Variants in TEFM observed in about 807,000 individuals in gnomAD.
TEFM encodes the protein transcription elongation factor of mitochondria.
A neutral mutation model predicts 23.0 loss-of-function variants in TEFM; 14 were observed. The ratio of observed to expected loss-of-function variants is 0.61; its 90% CI spans 0.40 to 0.95. TEFM has a LOEUF of 0.95. TEFM is among the 40% of genes least tolerant of loss of function. The pLI is 0.00. For missense variants in TEFM, 386 were observed against 425.5 expected, an observed-to-expected ratio of 0.91 and a Z score of 0.82; for synonymous variants, 155 against 158.3, an observed-to-expected ratio of 0.98 and a Z score of 0.16.
In TEFM at chr17:30,899,038, TA is replaced by T; in HGVS notation, c.*130del. 1 of 900,332 alleles carries T rather than the reference TA, an allele frequency of 1.1e-6. No individual in the cohort carries two copies. Among genetic ancestry groups the T allele is most frequent in the Non-Finnish European group, 1.7e-6 (1 of 596,304 alleles). The allele number at this position is 900,332 out of a possible 1,614,324, so 55.8% of individuals were successfully genotyped here. ...TTGGCTTATTGTGTAAACCATTTAATAGCCAAAAGTCAGAATTTAAACATCT... is the reference window on the plus strand; with the variant it reads ...TTGGCTTATTGTGTAAACCATTTAATGCCAAAAGTCAGAATTTAAACATCT... On this transcript the variant is annotated 3_prime_UTR_variant, in exon 4 of 4. Coordinates refer to ENST00000581216, the MANE Select transcript of TEFM (RefSeq NM_024683.4).
At chr17:30,905,988 T>A (rs188518222) in intron 1 of TEFM, among the ~76,000 whole-genome samples, 180 bp downstream of exon 1, 1 of 152,164 alleles carries the variant, frequency 6.6e-6, no homozygotes, top group Non-Finnish European at 1.5e-5. Flanking sequence ...AAGGAAACAC[T>A]CCAGGTTCCT....
chr17:30,904,254 T>C lies in TEFM; in HGVS notation c.307A>G (p.Arg103Gly). The change falls in exon 2 of 4, where the codon AGA (arginine) becomes GGA (glycine). Residue 103 changes from arginine (R) to glycine (G), a missense_variant. Coordinates refer to ENST00000581216, the MANE Select transcript of TEFM (RefSeq NM_024683.4). ...TTCTGAAATGGCCCAAAGTTTTCTC[T>C]GTGCTCTACGATATTGATGGACCTT... Reference protein sequence around the residue: ...GRRSINIVEHRENFGPFQNLE... With the variant: ...GRRSINIVEHGENFGPFQNLE... The C allele has an allele frequency of 4.3e-6, 7 of 1,614,234 alleles. No individual in the cohort carries two copies. The highest frequency in any genetic ancestry group is 5.9e-6 in the Non-Finnish European group (7 of 1,180,052).
At position 30,904,323 on chromosome 17, in the gene TEFM, C is replaced by G. The variant is rs774028672; in HGVS notation, c.238G>C (p.Ala80Pro). ...QASILHVLNT[A>P]STKELEAFRL... The stretch of plus-strand genomic sequence containing the variant: ...AAAGCTTCAAGTTCTTTAGTAGATG[C>G]TGTATTCAACACATGCAAGATGGAA... The change falls in exon 2 of 4, where the codon GCA becomes CCA. Residue 80 changes from alanine to proline, a missense_variant. Transcript: ENST00000581216. The G allele has an allele frequency of 6.2e-7, 1 of 1,614,198 alleles. No homozygotes were observed. The highest frequency in any genetic ancestry group is 8.5e-7 in the Non-Finnish European group (1 of 1,180,028).
At chr17:30,902,249 AT>A (rs1273770004) in intron 2 of TEFM, among the ~76,000 whole-genome samples, 7 of 152,132 alleles carry the variant, frequency 4.6e-5, no homozygotes, top group African/African-American at 1.2e-4. Context: ...TTGTATACCC[AT>A]CTCCCTTTCA....
rs1453100405 is a variant in TEFM at position 30,904,165 on chromosome 17, G to A, written c.396C>T (p.Ser132=). The change falls in exon 2 of 4, where the codon TCC becomes TCT. Residue 132 remains serine, a synonymous_variant. Coordinates refer to ENST00000581216, the MANE Select transcript of TEFM (RefSeq NM_024683.4). ...CCCGTCCAGTCTTTGGACAAAGTAT[G>A]GAGTTACAAACTTGAACTGTACTTT... ...KYKSTVQVCN[S]ILCPKTGREK... is the part of the protein sequence containing the mutation. The A allele has an allele frequency of 6.2e-7, 1 of 1,614,136 alleles. No individual in the cohort carries two copies. The highest frequency in any genetic ancestry group is 2.2e-5 in the East Asian group (1 of 44,890).
chr17:30,904,260 C>G lies in TEFM; in HGVS notation c.301G>C (p.Glu101Gln), dbSNP rs1910116565. Residue 101 changes from glutamate to glutamine, a missense_variant, in exon 2 of 4, where the codon GAG (glutamate) becomes CAG (glutamine). Physicochemically the swap from Glu to Gln is conservative, Grantham distance 29. Transcript: ENST00000581216. ...AATGGCCCAAAGTTTTCTCTGTGCT[C>G]TACGATATTGATGGACCTTCTTCCA... ...LRGRRSINIV[E>Q]HRENFGPFQN... is the part of the protein sequence containing the mutation. 1.9e-6 allele frequency: 3 copies of G among 1,614,192 alleles called. No individual in the cohort carries two copies. The highest frequency in any genetic ancestry group is 1.6e-4 in the Middle Eastern group (1 of 6,062).
intron 2 of TEFM, 127 bp from the exon 3 acceptor site, chr17:30,900,689 CCTT>C (rs1281589432): frequency 1.3e-6 from 1 of 776,290 alleles, no homozygotes; most frequent in Non-Finnish European, 2.0e-6. Flanking sequence ...ACAAGCTCCA[CCTT>C]CTGGGTTCAT....
Position 30,900,565 on chromosome 17 carries a change from A to G in TEFM, c.496-3T>C. 6.2e-7 allele frequency: 1 copy of G among 1,608,406 alleles called. No individual in the cohort carries two copies. The highest frequency in any genetic ancestry group is 8.5e-7 in the Non-Finnish European group (1 of 1,177,590). On this transcript the variant is annotated splice_polypyrimidine_tract_variant and splice_region_variant and intron_variant, in intron 2 of 3. Transcript: ENST00000581216. Reference sequence around the variant, plus strand: ...ATAGATATGATACTATTAACTGCCTAAAAGAAAAGACTGATTTAATTAGAA... The same window carrying G: ...ATAGATATGATACTATTAACTGCCTGAAAGAAAAGACTGATTTAATTAGAA...
Position 30,899,444 on chromosome 17 carries a change from G to C in TEFM, c.808C>G (p.Gln270Glu), listed in dbSNP as rs774300985. The stretch of plus-strand genomic sequence containing the variant: ...CGATTCATGCTCAGCACCTGATGCT[G>C]CCCATCCTGGGCAAAAGTTTTATTT... ...LLNKTFAQDG[Q>E]HQVLSMNRNA... Residue 270 changes from glutamine to glutamate, a missense_variant, in exon 4 of 4, where the codon CAG becomes GAG. Physicochemically the swap from Gln to Glu is conservative, Grantham distance 29. Coordinates refer to ENST00000581216, the MANE Select transcript of TEFM (RefSeq NM_024683.4). The C allele has an allele frequency of 1.2e-6, 2 of 1,614,182 alleles. No homozygotes were observed. Among genetic ancestry groups the C allele is most frequent in the South Asian group, 2.2e-5 (2 of 91,088 alleles).
chr17:30,902,330 G>T (rs1485958798), intron 2 of TEFM, among the ~76,000 whole-genome samples: 1 of 152,112 alleles, frequency 6.6e-6, no homozygotes, highest in East Asian at 1.9e-4. Context: ...CTTCCTTTTG[G>T]TTTTCTTTAG....
Position 30,904,322 on chromosome 17 carries a change from GC to G in TEFM, c.238del (p.Ala80HisfsTer21). The G allele has an allele frequency of 6.2e-7, 1 of 1,614,208 alleles. No homozygotes were observed. The highest frequency in any genetic ancestry group is 8.5e-7 in the Non-Finnish European group (1 of 1,180,032). ...QASILHVLNT[A>X]STKELEAFRL... is the part of the protein sequence containing the mutation. ...GAAAGCTTCAAGTTCTTTAGTAGAT[GC>G]TGTATTCAACACATGCAAGATGGAA... On this transcript the variant is annotated frameshift_variant, in exon 2 of 4. Transcript: ENST00000581216. LOFTEE classifies it high-confidence loss of function.
chr17:30,899,055 T>G lies in TEFM; in HGVS notation c.*114A>C, dbSNP rs141436206. 105 of 1,074,356 alleles carry G rather than the reference T, an allele frequency of 9.8e-5. No homozygotes were observed. The African/African-American group carries it at 1.4e-3, about 14-fold the overall frequency. The allele number at this position is 1,074,356 out of a possible 1,614,324, so 66.6% of individuals were successfully genotyped here. On this transcript the variant is annotated 3_prime_UTR_variant, in exon 4 of 4. Coordinates refer to ENST00000581216, the MANE Select transcript of TEFM (RefSeq NM_024683.4). ...CCATTTAATAGCCAAAAGTCAGAAT[T>G]TAAACATCTAAAATACACTGAAAAT...
Position 30,904,321 on chromosome 17 carries a change from T to TG in TEFM, c.239dup (p.Ser81IlefsTer3), listed in dbSNP as rs1317360798. 6.2e-7 allele frequency: 1 copy of TG among 1,614,244 alleles called. No homozygotes were observed. Among genetic ancestry groups the TG allele is most frequent in the South Asian group, 1.1e-5 (1 of 91,086 alleles). On this transcript the variant is annotated frameshift_variant, in exon 2 of 4. Coordinates refer to ENST00000581216, the MANE Select transcript of TEFM (RefSeq NM_024683.4). LOFTEE classifies it high-confidence loss of function. ...GGAAAGCTTCAAGTTCTTTAGTAGA[T>TG]GCTGTATTCAACACATGCAAGATGG...
rs1326405894 is a variant in TEFM at position 30,899,564 on chromosome 17, C to T, written c.688G>A (p.Val230Ile). ...ISKMPKADFYVLEKTGLSIQN... is the reference protein window; with the variant it reads ...ISKMPKADFYILEKTGLSIQN... ...ATGGAAAGTCCTGTTTTTTCCAGAA[C>T]ATAGAAATCTGCTTTAGGCATCTTT... is the stretch of plus-strand genomic sequence containing the variant. The change falls in exon 4 of 4, where the codon GTT (valine) becomes ATT (isoleucine). Residue 230 changes from valine to isoleucine, a missense_variant. Val to Ile is a conservative substitution (Grantham distance 29). Transcript: ENST00000581216. 2.5e-6 allele frequency: 4 copies of T among 1,585,328 alleles called. No individual in the cohort carries two copies. The Admixed American group carries it at 7.4e-5, about 29-fold the overall frequency.
At chr17:30,903,127 ACT>A (rs1477260713) in intron 2 of TEFM, among the ~76,000 whole-genome samples, 1 of 108,358 alleles carries the variant, frequency 9.2e-6, no homozygotes, top group Non-Finnish European at 1.8e-5. Context: ...ACAGCACAAG[ACT>A]CTGTCTCAAA....
intron 1 of TEFM, among the ~76,000 whole-genome samples, chr17:30,905,719 A>G (rs776842136): frequency 3.3e-5 from 5 of 152,204 alleles, no homozygotes; most frequent in Non-Finnish European, 7.3e-5. Flanking sequence ...GAGAAACACC[A>G]TACAATGCAT....
chr17:30,900,359 T>G (rs767446750), intron 3 of TEFM, 54 bp downstream of exon 3: 7 of 1,558,852 alleles, frequency 4.5e-6, no homozygotes, highest in Non-Finnish European at 6.2e-6. Flanking sequence ...ACCAGAAGAT[T>G]AAACTACACA....
intron 2 of TEFM, among the ~76,000 whole-genome samples, chr17:30,901,075 T>C (rs527927063): frequency 2.6e-5 from 4 of 152,150 alleles, no homozygotes; most frequent in Non-Finnish European, 5.9e-5. Context: ...CAGGCTAGAG[T>C]GCAGTGGCGC....
At chr17:30,901,769 TAAA>T (rs1011520367) in intron 2 of TEFM, among the ~76,000 whole-genome samples, 23 of 152,258 alleles carry the variant, frequency 1.5e-4, no homozygotes, top group African/African-American at 5.3e-4. Context: ...ACTGATGGTG[TAAA>T]AGATGGGCTG....
Sources: gnomAD v4.1 joint callset for allele counts (sites outside exome capture counted in the v4.1 genomes callset) on GRCh38, gnomAD v4.1.1 for gene constraint, MANE v1.5 for transcripts, NCBI Gene and HGNC (gene_info 2026-07-23, HGNC 2026-07-21) for gene names.